Variants in VRK2 observed in about 807,000 individuals in gnomAD.
The protein encoded by VRK2 is serine/threonine-protein kinase VRK2.
A neutral mutation model predicts 57.6 loss-of-function variants in VRK2; 60 were observed. The ratio of observed to expected loss-of-function variants is 1.04; its 90% CI spans 0.85 to 1.29. The LOEUF (loss-of-function observed/expected upper bound fraction) is 1.29. Among genes scored for constraint, VRK2 ranks in the 50% most tolerant of loss-of-function variants. The probability of loss-of-function intolerance (pLI) is 0.00; values close to 1 mark genes in which losing one functional copy is unlikely to be tolerated. For synonymous variants in VRK2, 231 were observed against 199.2 expected, an observed-to-expected ratio of 1.16 and a Z score of -1.35; for missense variants, 705 against 588.1, an observed-to-expected ratio of 1.20 and a Z score of -2.06.
In VRK2 at chr2:58,117,367, G is replaced by C. The variant is rs559384880; in HGVS notation, c.544-5734G>C. ...TAGTCACAGAAGGAAACTGTAAGCC[G>C]GACCAGGTGTGAGGAGGGGAGGCGA... On this transcript the variant is annotated intron_variant, in intron 7 of 12. Coordinates refer to ENST00000340157, the MANE Select transcript of VRK2 (RefSeq NM_006296.7). Among the ~76,000 whole-genome samples, 23 of 152,244 alleles carry C rather than the reference G, an allele frequency of 1.5e-4. No individual in the cohort carries two copies. In the East Asian group the frequency reaches 4.1e-3, roughly 27 times the overall value.
chr2:57,920,389 A>T (rs1252181496), intron 1 of VRK2, among the ~76,000 whole-genome samples: 1 of 152,088 alleles, frequency 6.6e-6, no homozygotes, highest in African/African-American at 2.4e-5. Context: ...AAACTATGGA[A>T]ATTTTCACAT....
chr2:58,086,287 A>AGTATCT, intron 4 of VRK2, 52 bp from the exon 5 acceptor site: 1 of 1,477,598 alleles, frequency 6.8e-7, no homozygotes, highest in Non-Finnish European at 9.3e-7. Context: ...AAAGGTGACA[A>AGTATCT]GTATCTTTTC....
chr2:58,012,806 G>A (rs1343498739), intron 1 of VRK2, among the ~76,000 whole-genome samples: 2 of 152,038 alleles, frequency 1.3e-5, no homozygotes, highest in Non-Finnish European at 2.9e-5. Flanking sequence ...TAACACAGTG[G>A]AAAAATCATA....
chr2:58,143,059 GGTA>G (rs1178776931), intron 11 of VRK2, among the ~76,000 whole-genome samples: 1 of 151,628 alleles, frequency 6.6e-6, no homozygotes, highest in Non-Finnish European at 1.5e-5. Flanking sequence ...TATTATTATT[GGTA>G]GTAGTAGTAT....
chr2:58,148,530 C>T (rs1682506492), intron 12 of VRK2, among the ~76,000 whole-genome samples: 1 of 151,546 alleles, frequency 6.6e-6, no homozygotes, highest in African/African-American at 2.4e-5. Context: ...TTCAATTTAT[C>T]AATATTTTAA....
chr2:57,972,159 T>C (rs1672115512), intron 1 of VRK2, among the ~76,000 whole-genome samples: 1 of 151,830 alleles, frequency 6.6e-6, no homozygotes, highest in Non-Finnish European at 1.5e-5. Flanking sequence ...GAGGCCACAA[T>C]ATGGCAATTG....
At chr2:58,120,770 C>T (rs574830371) in intron 7 of VRK2, among the ~76,000 whole-genome samples, 9 of 152,310 alleles carry the variant, frequency 5.9e-5, no homozygotes, top group African/African-American at 1.9e-4. Flanking sequence ...CCAAGATGGT[C>T]ATTCCTTTGC....
In VRK2 at chr2:57,916,430, C is replaced by G. The variant is rs534981417; in HGVS notation, c.-439+8591C>G. 6.1e-5 allele frequency among the ~76,000 whole-genome samples: 9 copies of G among 147,786 alleles called. No individual in the cohort carries two copies. In the South Asian group the frequency reaches 1.7e-3, roughly 28 times the overall value. On this transcript the variant is annotated intron_variant, in intron 1 of 15. Transcript: ENST00000417641. Reference sequence around the variant, plus strand: ...CAGAGAAAAAAAAAAAAAAAGACTACCCCCTAAAGAACCATAGTCAACTAT... The same window carrying G: ...CAGAGAAAAAAAAAAAAAAAGACTAGCCCCTAAAGAACCATAGTCAACTAT...
intron 1 of VRK2, among the ~76,000 whole-genome samples, chr2:57,930,956 C>T (rs2103931226): frequency 6.6e-6 from 1 of 152,148 alleles, no homozygotes; most frequent in African/African-American, 2.4e-5. Context: ...ATTTTTATTA[C>T]ATATACATGT....
At chr2:58,142,359 A>G (rs1002918466) in intron 11 of VRK2, among the ~76,000 whole-genome samples, 10 of 151,494 alleles carry the variant, frequency 6.6e-5, no homozygotes, top group Admixed American at 6.6e-4. Flanking sequence ...ATTTTACTAG[A>G]CATTATAAAC....
At chr2:57,982,486 C>A (rs1672452488) in intron 1 of VRK2, among the ~76,000 whole-genome samples, 1 of 152,046 alleles carries the variant, frequency 6.6e-6, no homozygotes. Context: ...CAGGTGCTTG[C>A]CAGTGGGGGA....
upstream of VRK2, chr2:58,046,758 G>C (rs1674800031): frequency 1.0e-6 from 1 of 985,388 alleles, no homozygotes; most frequent in African/African-American, 1.7e-5. Flanking sequence ...GGGCAGGCTC[G>C]AGTGCTGGGC....
At chr2:58,066,911 G>A (rs1668684596) in intron 2 of VRK2, among the ~76,000 whole-genome samples, 1 of 152,168 alleles carries the variant, frequency 6.6e-6, no homozygotes, top group Non-Finnish European at 1.5e-5. Context: ...ATATGTCTGT[G>A]AGGGTGTTGC....
intron 1 of VRK2, among the ~76,000 whole-genome samples, chr2:57,968,344 A>G (rs999054108): frequency 8.5e-5 from 13 of 152,108 alleles, no homozygotes; most frequent in Non-Finnish European, 1.5e-4. Context: ...AGAAAAAAGC[A>G]TCTCTCTCAT....
intron 12 of VRK2, among the ~76,000 whole-genome samples, chr2:58,152,673 A>G (rs942468706): frequency 2.6e-5 from 4 of 151,884 alleles, no homozygotes; most frequent in Admixed American, 6.6e-5. Flanking sequence ...GTCTGTCTGA[A>G]AATATTTGTA....
intron 12 of VRK2, among the ~76,000 whole-genome samples, chr2:58,158,032 T>C (rs1684242317): frequency 6.6e-6 from 1 of 152,190 alleles, no homozygotes; most frequent in African/African-American, 2.4e-5. Flanking sequence ...TATGATGTCA[T>C]TTGCTGATGT....
At chr2:58,062,088 A>G (rs555076739) in intron 2 of VRK2, among the ~76,000 whole-genome samples, 1 of 152,180 alleles carries the variant, frequency 6.6e-6, no homozygotes, top group East Asian at 1.9e-4. Flanking sequence ...GGCTTCATGC[A>G]TGTCTCTATG....
At chr2:58,031,899 G>C (rs547816597) in intron 2 of VRK2, among the ~76,000 whole-genome samples, 1 of 152,066 alleles carries the variant, frequency 6.6e-6, no homozygotes, top group Non-Finnish European at 1.5e-5. Flanking sequence ...ACAACTTTGA[G>C]TAGAACAGTA....
Position 58,088,360 on chromosome 2 carries a change from G to A in VRK2, c.364G>A (p.Glu122Lys), listed in dbSNP as rs1456262266. The A allele has an allele frequency of 6.2e-7, 1 of 1,611,394 alleles. No individual in the cohort carries two copies. The highest frequency in any genetic ancestry group is 1.7e-5 in the Admixed American group (1 of 59,598). ...KGRSYRFMVM[E>K]RLGIDLQKIS... ...TTACAGTTACAGATTTATGGTAATG[G>A]AAAGACTAGGAATAGATTTACAGAA... Residue 122 changes from glutamate to lysine, a missense_variant, in exon 6 of 13, where the codon GAA becomes AAA. Glu to Lys is a moderately conservative substitution (Grantham distance 56, BLOSUM62 1). Coordinates refer to ENST00000340157, the MANE Select transcript of VRK2 (RefSeq NM_006296.7).
Sources: gnomAD v4.1 joint callset for allele counts (sites outside exome capture counted in the v4.1 genomes callset) on GRCh38, gnomAD v4.1.1 for gene constraint, MANE v1.5 for transcripts, NCBI Gene and HGNC (gene_info 2026-07-23, HGNC 2026-07-21) for gene names.